The following SNRPA1 variants were observed in gnomAD, a reference collection of about 807,000 sequenced individuals.
The protein encoded by SNRPA1 is small nuclear ribonucleoprotein polypeptide A', also known as U2 small nuclear ribonucleoprotein A'.
Under a neutral mutation model 32.3 loss-of-function variants are expected in SNRPA1, and 5 were observed. That is an observed-to-expected ratio of 0.15 (90% CI 0.08 to 0.33). The LOEUF is 0.33. SNRPA1 is among the 10% of genes least tolerant of loss of function. The pLI is 1.00. For synonymous variants in SNRPA1, 111 were observed against 120.1 expected (o/e 0.92, Z 0.50); for missense variants, 198 against 311.1 (o/e 0.64, Z 2.74).
At chr15:101,284,390 A>G (rs954475811) in intron 8 of SNRPA1, among the ~76,000 whole-genome samples, 1 of 152,222 alleles carries the variant, frequency 6.6e-6, no homozygotes, top group Non-Finnish European at 1.5e-5. Context: ...ATATATAGGT[A>G]AAAGTCCACA....
In SNRPA1 at chr15:101,293,216, A is replaced by G. The variant is rs2039547379; in HGVS notation, c.83-44T>C. On this transcript the variant is annotated intron_variant, in intron 1 of 8. Coordinates refer to ENST00000254193, the MANE Select transcript of SNRPA1 (RefSeq NM_003090.4). ...AAACACAAGAGGTATTAATATAACTAAACAGTTGCCCCTTAAAGCATTAGC... is the reference window on the plus strand; with the variant it reads ...AAACACAAGAGGTATTAATATAACTGAACAGTTGCCCCTTAAAGCATTAGC... 9.4e-6 allele frequency: 13 copies of G among 1,378,138 alleles called. No individual in the cohort carries two copies. The Admixed American group carries it at 1.3e-4, about 14-fold the overall frequency. 85.4% of individuals were successfully genotyped at this position (1,378,138 alleles called of 1,614,324 possible).
At chr15:101,289,541 G>A (rs1441024823) in intron 3 of SNRPA1, among the ~76,000 whole-genome samples, 1 of 152,138 alleles carries the variant, frequency 6.6e-6, no homozygotes, top group Non-Finnish European at 1.5e-5. Context: ...CCAGAACAGA[G>A]AGAAGACAAA....
chr15:101,295,120 C>T lies in SNRPA1; in HGVS notation c.59G>A (p.Arg20His), dbSNP rs753952520. The change falls in exon 1 of 9, where the codon CGC becomes CAC. Residue 20 changes from arginine to histidine, a missense_variant. Transcript: ENST00000254193. ...ACCCCGGAGGTCCAGCTCCCGGTCG[C>T]GCACCGCGTTGGTGTACTGCGCCGC... is the stretch of plus-strand genomic sequence containing the variant. Reference protein sequence around the residue: ...EQAAQYTNAVRDRELDLRGYK... With the variant: ...EQAAQYTNAVHDRELDLRGYK... 3 of 1,542,492 alleles carry T rather than the reference C, an allele frequency of 1.9e-6. No individual in the cohort carries two copies. The highest frequency in any genetic ancestry group is 1.2e-5 in the South Asian group (1 of 83,052).
chr15:101,284,574 C>A (rs2039433914), intron 8 of SNRPA1, among the ~76,000 whole-genome samples: 1 of 151,068 alleles, frequency 6.6e-6, no homozygotes, highest in Non-Finnish European at 1.5e-5. Context: ...GCGATCTCGG[C>A]TCACCACAAC....
chr15:101,285,722 T>G lies in SNRPA1; in HGVS notation c.615+4A>C. 6.2e-7 allele frequency: 1 copy of G among 1,606,990 alleles called. No individual in the cohort carries two copies. The highest frequency in any genetic ancestry group is 1.3e-5 in the African/African-American group (1 of 74,884). On this transcript the variant is annotated splice_donor_region_variant and intron_variant, in intron 7 of 8. Transcript: ENST00000254193. ...CCAGTCCAAGAATCCTAACACATGA[T>G]TACCTTGATTGCTTCTACATCCCCT...
In SNRPA1 at chr15:101,286,310, C is replaced by A; in HGVS notation, c.460-17G>T. 6.2e-7 allele frequency: 1 copy of A among 1,611,894 alleles called. No individual in the cohort carries two copies. The highest frequency in any genetic ancestry group is 8.5e-7 in the Non-Finnish European group (1 of 1,178,112). ...CTGACGCTCCTACAGCGACACCACA[C>A]ACAGAGTTAATGGAAATAGGAATAC... On this transcript the variant is annotated splice_polypyrimidine_tract_variant and intron_variant, in intron 5 of 8. Coordinates refer to ENST00000254193, the MANE Select transcript of SNRPA1 (RefSeq NM_003090.4).
intron 4 of SNRPA1, 40 bp from the exon 5 acceptor site, chr15:101,287,050 G>C (rs1421949201): frequency 9.3e-7 from 1 of 1,077,422 alleles, no homozygotes; most frequent in Non-Finnish European, 1.4e-6. Flanking sequence ...ACTTGTTCAT[G>C]GCACAGCACT....
Position 101,281,648 on chromosome 15 carries a change from A to G in SNRPA1, c.*76T>C, listed in dbSNP as rs1444249564. The G allele has an allele frequency of 1.0e-4, 106 of 1,062,896 alleles. No homozygotes were observed. Among genetic ancestry groups the G allele is most frequent in the Non-Finnish European group, 1.5e-4 (101 of 681,710 alleles). 65.8% of individuals were successfully genotyped at this position (1,062,896 alleles called of 1,614,324 possible). On this transcript the variant is annotated 3_prime_UTR_variant, in exon 9 of 9. Coordinates refer to ENST00000254193, the MANE Select transcript of SNRPA1 (RefSeq NM_003090.4). ...TGATAGATTCCACTTTGCTAACACA[A>G]ACAAGGCTATTATACCATGTTCGAA...
chr15:101,285,188 G>C, intron 7 of SNRPA1, 128 bp from the exon 8 acceptor site: 1 of 632,740 alleles, frequency 1.6e-6, no homozygotes. Context: ...AAATACTTTG[G>C]TGTAGGGGGA....
chr15:101,286,186 AGAGTT>A (rs748519490), intron 6 of SNRPA1, 23 bp downstream of exon 6: 4 of 1,573,252 alleles, frequency 2.5e-6, no homozygotes, highest in Non-Finnish European at 3.5e-6. Flanking sequence ...AAGGTGAAGT[AGAGTT>A]AAGTTGGATA....
intron 2 of SNRPA1, among the ~76,000 whole-genome samples, chr15:101,292,385 A>T (rs1418255411): frequency 6.6e-6 from 1 of 152,210 alleles, no homozygotes; most frequent in Non-Finnish European, 1.5e-5. Context: ...CAGGTACAAG[A>T]CACAACAACT....
At chr15:101,282,096 C>T (rs1365036270) in intron 8 of SNRPA1, among the ~76,000 whole-genome samples, 2 of 152,206 alleles carry the variant, frequency 1.3e-5, no homozygotes, top group African/African-American at 2.4e-5. Context: ...CATGGCACTA[C>T]CGTAGGCAAA....
At chr15:101,285,976 A>G in intron 6 of SNRPA1, 175 bp from the exon 7 acceptor site, 1 of 633,888 alleles carries the variant, frequency 1.6e-6, no homozygotes. Context: ...CCTATATAGA[A>G]AATAGGATGT....
chr15:101,282,754 A>G (rs2141304662), intron 8 of SNRPA1, among the ~76,000 whole-genome samples: 1 of 152,380 alleles, frequency 6.6e-6, no homozygotes, highest in South Asian at 2.1e-4. Context: ...TCACATGCAC[A>G]TAACATTACT....
intron 2 of SNRPA1, 185 bp downstream of exon 2, chr15:101,292,840 A>T: frequency 2.5e-6 from 1 of 395,576 alleles, no homozygotes; most frequent in Non-Finnish European, 4.5e-6. Context: ...CATTTTAAGA[A>T]AAAACATGTA....
chr15:101,284,879 C>A, intron 8 of SNRPA1, 88 bp downstream of exon 8: 1 of 928,686 alleles, frequency 1.1e-6, no homozygotes, highest in Non-Finnish European at 1.8e-6. Flanking sequence ...ACTACTCTGG[C>A]ATTCCAGAGT....
At position 101,284,703 on chromosome 15, in the gene SNRPA1, T is replaced by A. The variant is rs945237832; in HGVS notation, c.709+264A>T. 31 of 289,574 alleles carry A rather than the reference T, an allele frequency of 1.1e-4. No individual in the cohort carries two copies. The Admixed American group carries it at 1.1e-3, about 11-fold the overall frequency. 17.9% of individuals were successfully genotyped at this position (289,574 alleles called of 1,614,324 possible). A position where few individuals can be genotyped will look rare whatever the true frequency, so the allele number is the denominator to read the frequency against. On this transcript the variant is annotated intron_variant, in intron 8 of 8. Transcript: ENST00000254193. ...TTTTAGTAGAGATGGGGTTTCTCCA[T>A]GTTGGTCAGGCTGGTCTCGAACTCC... is the stretch of plus-strand genomic sequence containing the variant.
At chr15:101,283,935 C>T (rs1021134232) in intron 8 of SNRPA1, among the ~76,000 whole-genome samples, 10 of 152,318 alleles carry the variant, frequency 6.6e-5, no homozygotes, top group South Asian at 2.1e-4. Context: ...AGCAAAACTC[C>T]GACTCAAAAA....
chr15:101,281,829 C>A, intron 8 of SNRPA1, 47 bp from the exon 9 acceptor site: 3 of 1,563,188 alleles, frequency 1.9e-6, no homozygotes, highest in Non-Finnish European at 2.6e-6. Context: ...TTAGAGAATC[C>A]ATTCCCTTAG....
Sources: gnomAD v4.1 joint callset for allele counts (sites outside exome capture counted in the v4.1 genomes callset) on GRCh38, gnomAD v4.1.1 for gene constraint, MANE v1.5 for transcripts, NCBI Gene and HGNC (gene_info 2026-07-23, HGNC 2026-07-21) for gene names.